TNRC6A: variants seen among roughly 807,000 people sequenced by gnomAD.
TNRC6A encodes trinucleotide repeat containing adaptor 6A, also known as trinucleotide repeat-containing gene 6A protein.
In TNRC6A, 44 loss-of-function variants were observed where a neutral mutation model predicts 221.2. That is an observed-to-expected ratio of 0.20 (90% CI 0.16 to 0.26). TNRC6A has a LOEUF of 0.26. Among genes scored for constraint, TNRC6A ranks in the 10% least tolerant of loss-of-function variants. TNRC6A has a pLI of 1.00. For synonymous variants in TNRC6A, 847 were observed against 838.5 expected (o/e 1.01, Z -0.18); for missense variants, 2,199 against 2,404.4 (o/e 0.91, Z 1.79).
chr16:24,671,075 G>A, intron 2 of TNRC6A: 3 of 297,346 alleles, frequency 1.0e-5, no homozygotes, highest in South Asian at 2.5e-5. Flanking sequence ...AGCAGCTGCC[G>A]CACCGACAGC....
At chr16:24,710,879 ATT>A (rs545753446) in intron 2 of TNRC6A, among the ~76,000 whole-genome samples, 28 of 139,532 alleles carry the variant, frequency 2.0e-4, no homozygotes, top group Middle Eastern at 7.4e-3. Context: ...TGCCCGGCTA[ATT>A]TTTTTTTTTT....
At chr16:24,671,477 G>A (rs550730089) in intron 2 of TNRC6A, among the ~76,000 whole-genome samples, 2 of 152,304 alleles carry the variant, frequency 1.3e-5, no homozygotes, top group South Asian at 4.1e-4. Flanking sequence ...GATGGCAATG[G>A]CTCATTTATT....
At chr16:24,614,079 G>C (rs1462356436) in intron 1 of TNRC6A, among the ~76,000 whole-genome samples, 3 of 152,194 alleles carry the variant, frequency 2.0e-5, no homozygotes, top group Non-Finnish European at 2.9e-5. Context: ...GGTTGGTTCA[G>C]AGTTGGTTGT....
chr16:24,754,565 A>G (rs1450793853), intron 3 of TNRC6A, among the ~76,000 whole-genome samples: 4 of 152,122 alleles, frequency 2.6e-5, no homozygotes, highest in African/African-American at 9.7e-5. Context: ...TCCATACTTT[A>G]AAAAAAGGAG....
intron 2 of TNRC6A, among the ~76,000 whole-genome samples, chr16:24,652,768 A>G (rs1412531107): frequency 6.6e-6 from 1 of 152,176 alleles, no homozygotes; most frequent in East Asian, 1.9e-4. Context: ...TACATTAGAG[A>G]AACCCAGTTT....
At chr16:24,818,809 C>CCTAATT in intron 21 of TNRC6A, 109 bp downstream of exon 21, 10 of 828,914 alleles carry the variant, frequency 1.2e-5, no homozygotes, top group South Asian at 1.0e-4. Flanking sequence ...TTAGGAGATT[C>CCTAATT]TGTTTGTGAG....
At chr16:24,819,608 A>C (rs1596833787) in intron 21 of TNRC6A, 2 of 148,422 alleles carry the variant, frequency 1.3e-5, no homozygotes, top group African/African-American at 2.6e-5. Flanking sequence ...TTACTTACCC[A>C]CTCTGTCTTC....
chr16:24,693,661 A>T (rs2055800259), intron 2 of TNRC6A, among the ~76,000 whole-genome samples: 1 of 152,154 alleles, frequency 6.6e-6, no homozygotes, highest in South Asian at 2.1e-4. Flanking sequence ...GCTACTCAGG[A>T]GACTGAGATG....
At chr16:24,748,686 G>A (rs2057068426) in intron 2 of TNRC6A, among the ~76,000 whole-genome samples, 1 of 151,970 alleles carries the variant, frequency 6.6e-6, no homozygotes, top group Non-Finnish European at 1.5e-5. Context: ...CATCAGCAAA[G>A]CCAACTTAAA....
In TNRC6A at chr16:24,697,001, T is replaced by TAACTA. The variant is rs762033276; in HGVS notation, n.403-53725_403-53724insAACTA. Among the ~76,000 whole-genome samples, 99 of 152,260 alleles carry TAACTA rather than the reference T, an allele frequency of 6.5e-4. 1 individual carries two copies. Among genetic ancestry groups the TAACTA allele is most frequent in the Non-Finnish European group, 4.4e-4 (30 of 68,030 alleles). On this transcript the variant is annotated intron_variant and non_coding_transcript_variant, in intron 2 of 2. Transcript: ENST00000566108. ...CCAGCTAGATAGGAAAGATGAGTTC[T>TAACTA]GTTGTTCCGCAGCACTAGTTAGTGA...
intron 11 of TNRC6A, among the ~76,000 whole-genome samples, chr16:24,799,324 C>T (rs1167263299): frequency 6.6e-6 from 1 of 152,178 alleles, no homozygotes; most frequent in African/African-American, 2.4e-5. Flanking sequence ...CAGATCATCC[C>T]AACCCTTTGA....
chr16:24,821,875 G>A (rs369332048), intron 22 of TNRC6A: 16 of 578,388 alleles, frequency 2.8e-5, no homozygotes, highest in Admixed American at 6.0e-5. Flanking sequence ...GCTCACTGTC[G>A]CCAGAGGCAG....
intron 1 of TNRC6A, among the ~76,000 whole-genome samples, chr16:24,613,841 A>G (rs939771020): frequency 6.6e-6 from 1 of 152,156 alleles, no homozygotes; most frequent in Non-Finnish European, 1.5e-5. Flanking sequence ...CAGCCTATTA[A>G]AGCATTTTAA....
At chr16:24,651,731 T>TA (rs1472980612) in intron 2 of TNRC6A, among the ~76,000 whole-genome samples, 7 of 149,484 alleles carry the variant, frequency 4.7e-5, no homozygotes, top group Non-Finnish European at 7.4e-5. Context: ...AATTTAAAAA[T>TA]AAAAAATAAA....
intron 4 of TNRC6A, among the ~76,000 whole-genome samples, chr16:24,764,978 T>C (rs550254837): frequency 6.6e-6 from 1 of 152,174 alleles, no homozygotes; most frequent in Non-Finnish European, 1.5e-5. Flanking sequence ...CAGAATTTGG[T>C]CCCTCTCTCA....
chr16:24,672,819 ACTT>A (rs1359302145), intron 2 of TNRC6A, among the ~76,000 whole-genome samples: 6 of 152,172 alleles, frequency 3.9e-5, no homozygotes, highest in African/African-American at 1.4e-4. Flanking sequence ...TTGTAGATAT[ACTT>A]ACATACATAT....
chr16:24,716,423 C>T (rs1460089765), intron 2 of TNRC6A, among the ~76,000 whole-genome samples: 1 of 152,160 alleles, frequency 6.6e-6, no homozygotes, highest in Non-Finnish European at 1.5e-5. Context: ...AATCCCAGCA[C>T]TTTGGGAGTC....
chr16:24,770,491 T>C (rs1474273672), intron 4 of TNRC6A, among the ~76,000 whole-genome samples: 1 of 152,144 alleles, frequency 6.6e-6, no homozygotes, highest in African/African-American at 2.4e-5. Flanking sequence ...AGACACAGGA[T>C]GCATTTGAAT....
intron 2 of TNRC6A, among the ~76,000 whole-genome samples, chr16:24,659,838 T>C (rs534503211): frequency 3.9e-4 from 59 of 152,354 alleles, no homozygotes; most frequent in Non-Finnish European, 7.3e-4. Flanking sequence ...CATCATCTAT[T>C]ACCATGAAAA....
Sources: gnomAD v4.1 joint callset for allele counts (sites outside exome capture counted in the v4.1 genomes callset) on GRCh38, gnomAD v4.1.1 for gene constraint, MANE v1.5 for transcripts, NCBI Gene and HGNC (gene_info 2026-07-23, HGNC 2026-07-21) for gene names.